The following GALNT1 variants were observed in gnomAD, a reference collection of about 807,000 sequenced individuals.
The protein encoded by GALNT1 is polypeptide N-acetylgalactosaminyltransferase 1.
In GALNT1, 17 loss-of-function variants were observed where a neutral mutation model predicts 65.7. The observed-to-expected ratio is 0.26, with a 90% CI of 0.18 to 0.39. The LOEUF is 0.39. Among genes scored for constraint, GALNT1 ranks in the 10% least tolerant of loss-of-function variants. The pLI is 1.00. For synonymous variants in GALNT1, 210 were observed against 219.7 expected (o/e 0.96, Z 0.39); for missense variants, 460 against 672.8 (o/e 0.68, Z 3.50).
intron 3 of GALNT1, among the ~76,000 whole-genome samples, chr18:35,666,383 A>G (rs1435531370): frequency 6.6e-6 from 1 of 152,210 alleles, no homozygotes; most frequent in African/African-American, 2.4e-5. Flanking sequence ...TAATTTGTAA[A>G]GATTTTTCAC....
intron 1 of GALNT1, among the ~76,000 whole-genome samples, chr18:35,643,058 T>A (rs999262034): frequency 7.9e-5 from 12 of 152,214 alleles, no homozygotes; most frequent in Admixed American, 4.6e-4. Flanking sequence ...TAGGTCATAC[T>A]GTGGCCAGGC....
intron 1 of GALNT1, among the ~76,000 whole-genome samples, chr18:35,624,587 G>C (rs1036570802): frequency 2.0e-5 from 3 of 151,980 alleles, no homozygotes; most frequent in Admixed American, 2.0e-4. Context: ...CTACCATTTT[G>C]TGCTGTCTAT....
intron 2 of GALNT1, among the ~76,000 whole-genome samples, chr18:35,661,525 T>A (rs1310057822): frequency 2.7e-5 from 4 of 146,434 alleles, no homozygotes; most frequent in Non-Finnish European, 4.5e-5. Flanking sequence ...AAAAAAAAAA[T>A]TAAACTCTCA....
At chr18:35,593,215 CAG>C (rs1323929805) in intron 1 of GALNT1, among the ~76,000 whole-genome samples, 1 of 152,126 alleles carries the variant, frequency 6.6e-6, no homozygotes, top group Non-Finnish European at 1.5e-5. Context: ...TTAGAGAGGG[CAG>C]AGTCAGGAAA....
At chr18:35,617,708 A>G (rs941173890) in intron 1 of GALNT1, among the ~76,000 whole-genome samples, 7 of 152,166 alleles carry the variant, frequency 4.6e-5, no homozygotes, top group African/African-American at 1.2e-4. Flanking sequence ...TATGACCACA[A>G]TGCTGTTAAC....
At chr18:35,602,405 T>G (rs987837911) in intron 1 of GALNT1, among the ~76,000 whole-genome samples, 2 of 152,282 alleles carry the variant, frequency 1.3e-5, no homozygotes, top group African/African-American at 4.8e-5. Flanking sequence ...TTTATATCTT[T>G]CTCTAGGTTT....
chr18:35,644,687 G>A (rs566978044), intron 1 of GALNT1, among the ~76,000 whole-genome samples: 3 of 152,158 alleles, frequency 2.0e-5, no homozygotes, highest in Admixed American at 6.5e-5. Flanking sequence ...TTTTAAGTAC[G>A]TCTGCTTTAT....
chr18:35,665,495 G>A (rs921411177), intron 3 of GALNT1, among the ~76,000 whole-genome samples: 5 of 152,188 alleles, frequency 3.3e-5, no homozygotes, highest in South Asian at 4.2e-4. Context: ...TTTTCAAATT[G>A]AAAGAGCCCA....
chr18:35,630,534 T>G (rs968821393), intron 1 of GALNT1, among the ~76,000 whole-genome samples: 1 of 152,154 alleles, frequency 6.6e-6, no homozygotes, highest in Non-Finnish European at 1.5e-5. Context: ...TACCAGAATC[T>G]CTGGGACACA....
chr18:35,669,126 A>G (rs2047592685), intron 3 of GALNT1, among the ~76,000 whole-genome samples: 1 of 152,194 alleles, frequency 6.6e-6, no homozygotes, highest in Non-Finnish European at 1.5e-5. Flanking sequence ...CTGTAGTCCC[A>G]GCTACTCAGG....
intron 7 of GALNT1, 123 bp from the exon 8 acceptor site, chr18:35,690,889 A>T (rs2047950378): frequency 2.4e-6 from 2 of 843,334 alleles, no homozygotes; most frequent in Admixed American, 5.4e-5. Context: ...AATATGTTCC[A>T]TTTAAGTTTA....
intron 4 of GALNT1, among the ~76,000 whole-genome samples, chr18:35,679,259 C>A (rs1482430253): frequency 6.6e-6 from 1 of 152,154 alleles, no homozygotes; most frequent in African/African-American, 2.4e-5. Flanking sequence ...ACTTACGTGT[C>A]AATATTTGCT....
Position 35,593,191 on chromosome 18 carries a change from C to T in GALNT1, c.-104+11329C>T, listed in dbSNP as rs191353583. 4.0e-3 allele frequency among the ~76,000 whole-genome samples: 614 copies of T among 152,260 alleles called. 1 individual carries two copies. Among genetic ancestry groups the T allele is most frequent in the Admixed American group, 7.8e-3 (120 of 15,294 alleles). ...AACCATAGGGAGGTCTACGTGATTT[C>T]CTCATTAGGAGGATTAGAGAGGGCA... On this transcript the variant is annotated intron_variant, in intron 1 of 11. Transcript: ENST00000269195.
chr18:35,685,010 G>A (rs947123186), intron 5 of GALNT1, among the ~76,000 whole-genome samples: 19 of 152,230 alleles, frequency 1.2e-4, no homozygotes, highest in Non-Finnish European at 2.5e-4. Flanking sequence ...TCTCAACCTT[G>A]GTATGCAGTG....
chr18:35,651,981 C>A (rs1333602798), intron 1 of GALNT1, among the ~76,000 whole-genome samples: 1 of 151,570 alleles, frequency 6.6e-6, no homozygotes, highest in Non-Finnish European at 1.5e-5. Flanking sequence ...TTGGTGGCAA[C>A]ATACTTGGAA....
At chr18:35,622,365 C>T (rs987449656) in intron 1 of GALNT1, among the ~76,000 whole-genome samples, 8 of 152,106 alleles carry the variant, frequency 5.3e-5, no homozygotes, top group African/African-American at 1.7e-4. Flanking sequence ...AATTTTCTCA[C>T]CTCAACCTCC....
At chr18:35,660,376 C>G (rs1461263533) in intron 2 of GALNT1, among the ~76,000 whole-genome samples, 1 of 151,954 alleles carries the variant, frequency 6.6e-6, no homozygotes, top group East Asian at 1.9e-4. Flanking sequence ...TGGTAATTAC[C>G]TTTTCTAAAA....
At chr18:35,662,982 A>G (rs1361129686) in intron 2 of GALNT1, among the ~76,000 whole-genome samples, 3 of 152,232 alleles carry the variant, frequency 2.0e-5, no homozygotes, top group African/African-American at 7.2e-5. Context: ...GAGAGATAGC[A>G]ATTGGTTAGA....
intron 6 of GALNT1, among the ~76,000 whole-genome samples, chr18:35,688,804 G>A (rs1436777091): frequency 6.6e-6 from 1 of 152,176 alleles, no homozygotes; most frequent in Admixed American, 6.5e-5. Context: ...TGGAGTGGGT[G>A]CACAGTCAGA....
Sources: allele counts gnomAD v4.1 joint callset (sites outside exome capture counted in the v4.1 genomes callset), GRCh38; gene constraint gnomAD v4.1.1; transcripts MANE v1.5; gene names NCBI Gene and HGNC (gene_info 2026-07-23, HGNC 2026-07-21).